The following TRIO variants were observed in gnomAD, a reference collection of about 807,000 sequenced individuals.
TRIO encodes triple functional domain protein.
In TRIO, 58 loss-of-function variants were observed where a neutral mutation model predicts 351.9. That is an observed-to-expected ratio of 0.16 (90% CI 0.13 to 0.21). TRIO has a LOEUF of 0.21. Among genes scored for constraint, TRIO ranks in the 10% least tolerant of loss-of-function variants. The pLI, the probability that TRIO is intolerant of heterozygous loss-of-function variation, is 1.00. For missense variants in TRIO, 3,201 were observed against 4,027.8 expected (o/e 0.79, Z 5.56); for synonymous variants, 1,758 against 1,595.7 (o/e 1.10, Z -2.42).
rs1739405420 is a variant in TRIO, at chr5:14,316,654, C to G, written c.1642C>G (p.Gln548Glu). The part of the protein sequence containing the change: ...LDVIHEVLHH[Q>E]RQLENIWQHR... ...TGTCATCCACGAGGTGCTGCACCAC[C>G]AGCGGCAGCTGGAGAACATCTGGCA... is the stretch of plus-strand genomic sequence containing the variant. The change falls in exon 9 of 57, where the codon CAG (glutamine) becomes GAG (glutamate). Residue 548 changes from glutamine (Q) to glutamate (E), a missense_variant. Gln to Glu is a conservative substitution (Grantham distance 29, BLOSUM62 2). This residue lies in a region of TRIO where 349 missense variants were observed against 449.3 expected (regional missense o/e 0.78). Transcript: ENST00000344204. 2.5e-6 allele frequency: 4 copies of G among 1,614,110 alleles called. No homozygotes were observed. The South Asian group carries it at 4.4e-5, about 18-fold the overall frequency.
rs565699092 is a variant in TRIO at position 14,509,464 on chromosome 5, G to C, written c.*1042G>C. On this transcript the variant is annotated 3_prime_UTR_variant, in exon 57 of 57. Coordinates refer to ENST00000344204, the MANE Select transcript of TRIO (RefSeq NM_007118.4). Reference sequence around the variant, plus strand: ...AAAGAGACTTTTCGTGAAATTTGTTGGTTTTGAGGACTGTAAAAGTGATTT... The same window carrying C: ...AAAGAGACTTTTCGTGAAATTTGTTCGTTTTGAGGACTGTAAAAGTGATTT... 8.4e-5 allele frequency: 39 copies of C among 462,796 alleles called. No homozygotes were observed. The East Asian group carries it at 2.4e-3, about 28-fold the overall frequency. The allele number at this position is 462,796 out of a possible 1,614,324, so 28.7% of individuals were successfully genotyped here. A position where few individuals can be genotyped will look rare whatever the true frequency, so the allele number is the denominator to read the frequency against.
In TRIO at chr5:14,183,919, T is replaced by TA. The variant is rs1202209464; in HGVS notation, c.157+40043dup. 17 of 696,340 alleles carry TA rather than the reference T, an allele frequency of 2.4e-5. No homozygotes were observed. The African/African-American group carries it at 2.6e-4, about 11-fold the overall frequency. 43.1% of individuals were successfully genotyped at this position (696,340 alleles called of 1,614,324 possible). A position where few individuals can be genotyped will look rare whatever the true frequency, so the allele number is the denominator to read the frequency against. On this transcript the variant is annotated intron_variant, in intron 1 of 56. Transcript: ENST00000344204. ...TTTTATTTTCGTGGTAACCGTTTTT[T>TA]AAAAAAGATTAATAAATTACCCAAG...
At chr5:14,321,650 A>G (rs1739897080) in intron 9 of TRIO, among the ~76,000 whole-genome samples, 1 of 152,162 alleles carries the variant, frequency 6.6e-6, no homozygotes, top group Non-Finnish European at 1.5e-5. Flanking sequence ...AGTGAACCTA[A>G]AGGCCAGGAA....
chr5:14,290,662 T>TA (rs1736827684), intron 4 of TRIO, 54 bp from the exon 5 acceptor site: 2 of 1,520,572 alleles, frequency 1.3e-6, no homozygotes, highest in African/African-American at 2.8e-5. Context: ...TGCATTATGT[T>TA]AAAACTATAT....
chr5:14,305,293 G>T (rs1738263054), intron 8 of TRIO, among the ~76,000 whole-genome samples: 3 of 152,198 alleles, frequency 2.0e-5, no homozygotes, highest in Admixed American at 2.0e-4. Context: ...CGTGGTAGCT[G>T]CTTGATGATG....
intron 8 of TRIO, among the ~76,000 whole-genome samples, chr5:14,305,695 TGCCCA>T (rs1157446635): frequency 6.6e-6 from 1 of 152,224 alleles, no homozygotes; most frequent in African/African-American, 2.4e-5. Context: ...TGTGCTTCAC[TGCCCA>T]GCTGTCACTC....
chr5:14,473,209 C>T (rs1303157286), intron 39 of TRIO, among the ~76,000 whole-genome samples: 1 of 152,140 alleles, frequency 6.6e-6, no homozygotes, highest in Non-Finnish European at 1.5e-5. Flanking sequence ...TGTACTGGAT[C>T]GAGAGCCATC....
intron 9 of TRIO, among the ~76,000 whole-genome samples, chr5:14,326,714 T>A (rs1740424771): frequency 6.6e-6 from 1 of 152,236 alleles, no homozygotes; most frequent in African/African-American, 2.4e-5. Context: ...GAGGTGCAGC[T>A]GGCTGGACTG....
chr5:14,275,374 A>G (rs1470746406), intron 2 of TRIO, among the ~76,000 whole-genome samples: 3 of 152,278 alleles, frequency 2.0e-5, no homozygotes, highest in East Asian at 1.9e-4. Flanking sequence ...TGGATATGCT[A>G]TCAGCTTGAA....
At chr5:14,343,858 G>A (rs912087570) in intron 11 of TRIO, among the ~76,000 whole-genome samples, 3 of 152,226 alleles carry the variant, frequency 2.0e-5, no homozygotes, top group Non-Finnish European at 4.4e-5. Context: ...TTTCCAGAAT[G>A]AGCGTACCAT....
In TRIO at chr5:14,431,463, G is replaced by A. The variant is rs150910405; in HGVS notation, c.5203+11442G>A. Among the ~76,000 whole-genome samples the A allele has an allele frequency of 1.6e-3, 237 of 152,294 alleles. 1 individual carries two copies. Among genetic ancestry groups the A allele is most frequent in the African/African-American group, 4.9e-3 (204 of 41,558 alleles). On this transcript the variant is annotated intron_variant, in intron 34 of 56. Transcript: ENST00000344204. Reference sequence around the variant, plus strand: ...CTCGTTTGCCTTGGCTGCATTGCACGGCGGCTCTGGAATTCTTTATTATTT... The same window carrying A: ...CTCGTTTGCCTTGGCTGCATTGCACAGCGGCTCTGGAATTCTTTATTATTT...
intron 48 of TRIO, chr5:14,489,079 T>A (rs763445786): frequency 1.3e-6 from 1 of 765,218 alleles, no homozygotes; most frequent in Admixed American, 1.7e-5. Flanking sequence ...CGTGAGTGAA[T>A]AGAACTGTTC....
intron 27 of TRIO, 94 bp downstream of exon 27, chr5:14,391,084 T>A: frequency 1.1e-6 from 1 of 921,514 alleles, no homozygotes; most frequent in Non-Finnish European, 1.6e-6. Flanking sequence ...GATAGTACAA[T>A]GTTTTCATTT....
intron 41 of TRIO, among the ~76,000 whole-genome samples, chr5:14,478,662 G>A (rs142128642): frequency 4.1e-4 from 63 of 152,132 alleles, no homozygotes; most frequent in African/African-American, 1.5e-3. Flanking sequence ...ATATTAAGAA[G>A]GGTGTTGCGG....
Position 14,143,583 on chromosome 5 carries a change from C to A in TRIO, c.-143C>A, listed in dbSNP as rs1206313104. 2 of 174,436 alleles carry A rather than the reference C, an allele frequency of 1.1e-5. No individual in the cohort carries two copies. The highest frequency in any genetic ancestry group is 3.3e-4 in the South Asian group (2 of 6,046). The allele number at this position is 174,436 out of a possible 1,614,324, so 10.8% of individuals were successfully genotyped here. A position where few individuals can be genotyped will look rare whatever the true frequency, so the allele number is the denominator to read the frequency against. ...TGGGCCGAGCCGCCGCCGCCGCCCCCCGCCGCCCCGGGGCTCTGCGTCCGC... is the reference window on the plus strand; with the variant it reads ...TGGGCCGAGCCGCCGCCGCCGCCCCACGCCGCCCCGGGGCTCTGCGTCCGC... On this transcript the variant is annotated 5_prime_UTR_variant, in exon 1 of 57. Transcript: ENST00000344204.
chr5:14,286,398 C>T lies in TRIO; in HGVS notation c.348-473C>T, dbSNP rs1407653055. On this transcript the variant is annotated intron_variant, in intron 3 of 56. Coordinates refer to ENST00000344204, the MANE Select transcript of TRIO (RefSeq NM_007118.4). This position sits in a 1 kb window ranked among gnomAD's most constrained non-coding sequence, Gnocchi z 4.4. ...TGCTAGTGGGGGGTCATTTTCAGCA[C>T]CTGGGGTGCTGGGAGTCCTGGGGTA... Among the ~76,000 whole-genome samples, 1 of 152,074 alleles carries T rather than the reference C, an allele frequency of 6.6e-6. No individual in the cohort carries two copies. Among genetic ancestry groups the T allele is most frequent in the Non-Finnish European group, 1.5e-5 (1 of 68,022 alleles).
intron 2 of TRIO, among the ~76,000 whole-genome samples, chr5:14,277,034 T>C (rs1288964054): frequency 6.6e-6 from 1 of 152,212 alleles, no homozygotes; most frequent in African/African-American, 2.4e-5. Flanking sequence ...TGATACCTGA[T>C]AGGAGGTATT....
chr5:14,263,030 T>C (rs975379560), intron 1 of TRIO, among the ~76,000 whole-genome samples: 3 of 152,242 alleles, frequency 2.0e-5, no homozygotes, highest in African/African-American at 7.2e-5. Flanking sequence ...CTGCTTGCTC[T>C]GGCTGGAGTG....
At chr5:14,457,709 G>A (rs1753464583) in intron 34 of TRIO, among the ~76,000 whole-genome samples, 1 of 152,152 alleles carries the variant, frequency 6.6e-6, no homozygotes, top group Non-Finnish European at 1.5e-5. Flanking sequence ...GAGGCCGCTG[G>A]ATCTGCTGAA....
Sources: gnomAD v4.1 joint callset for allele counts (sites outside exome capture counted in the v4.1 genomes callset) on GRCh38, gnomAD v4.1.1 for gene constraint, gnomAD v4.1.1 regional missense constraint, Gnocchi (gnomAD v3.1) non-coding constraint, MANE v1.5 for transcripts, NCBI Gene and HGNC (gene_info 2026-07-23, HGNC 2026-07-21) for gene names.